The following LRRC69 variants were observed in gnomAD, a reference collection of about 807,000 sequenced individuals.
The protein encoded by LRRC69 is leucine rich repeat containing 69, also known as leucine-rich repeat-containing protein 69.
In LRRC69, 42 loss-of-function variants were observed where a neutral mutation model predicts 37.8. That is an observed-to-expected ratio of 1.11 (90% confidence interval 0.87 to 1.44). The LOEUF is 1.44. LRRC69 is among the 40% of genes most tolerant of loss of function. The pLI is 0.00. For synonymous variants in LRRC69, 141 were observed against 143.1 expected, an observed-to-expected ratio of 0.99 and a Z score of 0.11; for missense variants, 357 against 401.9, an observed-to-expected ratio of 0.89 and a Z score of 0.96.
At chr8:91,189,428 T>G (rs919778745) in intron 5 of LRRC69, 94 bp from the exon 6 acceptor site, 1 of 869,530 alleles carries the variant, frequency 1.2e-6, no homozygotes, top group Non-Finnish European at 1.8e-6. Context: ...TAGTCCTAAA[T>G]AAAGTAATTT....
At chr8:91,168,190 G>A (rs1436103427) in intron 5 of LRRC69, among the ~76,000 whole-genome samples, 1 of 151,916 alleles carries the variant, frequency 6.6e-6, no homozygotes, top group Non-Finnish European at 1.5e-5. Flanking sequence ...TTTGGGCACT[G>A]CTGTGTCCTC....
At chr8:91,150,865 G>A (rs143135168) in intron 5 of LRRC69, among the ~76,000 whole-genome samples, 7,981 of 151,842 alleles carry the variant, frequency 0.053, 298 homozygotes, top group Middle Eastern at 0.16. Context: ...TTTCTAGTTT[G>A]TTTGCATAGA....
intron 1 of LRRC69, among the ~76,000 whole-genome samples, chr8:91,106,050 A>G (rs1019894479): frequency 6.6e-6 from 1 of 152,096 alleles, no homozygotes; most frequent in African/African-American, 2.4e-5. Context: ...TGTGACATTC[A>G]GCTGACCTGA....
chr8:91,158,475 AC>A, intron 5 of LRRC69: 2 of 1,196,012 alleles, frequency 1.7e-6, no homozygotes, highest in Admixed American at 3.4e-5. Flanking sequence ...ATGTTTGGAA[AC>A]CCACAAGGCC....
At chr8:91,143,605 A>G (rs1808567829) in intron 5 of LRRC69, among the ~76,000 whole-genome samples, 3 of 151,986 alleles carry the variant, frequency 2.0e-5, no homozygotes, top group Admixed American at 1.3e-4. Flanking sequence ...TAAAGCGGGA[A>G]AGCCTCATAC....
chr8:91,193,222 C>A (rs1342685891), intron 6 of LRRC69, among the ~76,000 whole-genome samples: 1 of 131,530 alleles, frequency 7.6e-6, no homozygotes, highest in African/African-American at 2.9e-5. Flanking sequence ...TGTTTTGGTA[C>A]CAGTACCATG....
intron 2 of LRRC69, among the ~76,000 whole-genome samples, chr8:91,126,555 C>G (rs748650185): frequency 6.6e-6 from 1 of 151,858 alleles, no homozygotes; most frequent in Non-Finnish European, 1.5e-5. Context: ...TGGTGGTGGC[C>G]CTGTCTGACA....
At chr8:91,184,925 T>A (rs1809380744) in intron 5 of LRRC69, among the ~76,000 whole-genome samples, 1 of 152,134 alleles carries the variant, frequency 6.6e-6, no homozygotes, top group Non-Finnish European at 1.5e-5. Flanking sequence ...AACCAAGTCC[T>A]GAAGGCAGGG....
At chr8:91,163,726 A>G (rs1234241304) in intron 5 of LRRC69, among the ~76,000 whole-genome samples, 1 of 151,422 alleles carries the variant, frequency 6.6e-6, no homozygotes, top group Non-Finnish European at 1.5e-5. Context: ...AAATTTTATC[A>G]GGTAGTTAAA....
At chr8:91,188,059 A>T (rs996614402) in intron 5 of LRRC69, among the ~76,000 whole-genome samples, 1 of 152,204 alleles carries the variant, frequency 6.6e-6, no homozygotes, top group Non-Finnish European at 1.5e-5. Context: ...CAGCACACTG[A>T]GTACTGACTT....
chr8:91,199,221 T>C (rs1434939187), intron 6 of LRRC69, among the ~76,000 whole-genome samples: 1 of 152,216 alleles, frequency 6.6e-6, no homozygotes, highest in Admixed American at 6.5e-5. Context: ...CAAGCTATGA[T>C]CTGCTTAAGT....
intron 7 of LRRC69, among the ~76,000 whole-genome samples, chr8:91,204,378 A>G (rs1809763725): frequency 6.6e-6 from 1 of 152,234 alleles, no homozygotes; most frequent in Non-Finnish European, 1.5e-5. Flanking sequence ...GCTAATAGTG[A>G]AAAAAGAAAA....
chr8:91,123,887 T>C (rs912566528), intron 1 of LRRC69, among the ~76,000 whole-genome samples: 1 of 152,034 alleles, frequency 6.6e-6, no homozygotes, highest in Non-Finnish European at 1.5e-5. Context: ...ATCTGTTCTC[T>C]GTAGGACAGA....
At chr8:91,160,498 C>T (rs985993633) in intron 5 of LRRC69, among the ~76,000 whole-genome samples, 36 of 150,964 alleles carry the variant, frequency 2.4e-4, no homozygotes, top group African/African-American at 8.7e-4. Context: ...GGGGAGGGAC[C>T]TGGTGGGAGG....
intron 5 of LRRC69, among the ~76,000 whole-genome samples, chr8:91,147,085 C>A (rs181530892): frequency 6.6e-6 from 1 of 151,474 alleles, no homozygotes; most frequent in African/African-American, 2.4e-5. Flanking sequence ...TAAAATATAT[C>A]TTTATCAAGT....
At chr8:91,113,930 A>C (rs1198956205) in intron 1 of LRRC69, among the ~76,000 whole-genome samples, 1 of 134,128 alleles carries the variant, frequency 7.5e-6, no homozygotes, top group Non-Finnish European at 1.6e-5. Context: ...ATTTGAGACC[A>C]GGAGTTCAAG....
intron 1 of LRRC69, among the ~76,000 whole-genome samples, chr8:91,118,901 A>G (rs968910754): frequency 3.3e-5 from 5 of 152,096 alleles, no homozygotes; most frequent in South Asian, 2.1e-4. Flanking sequence ...AAGCATTCCA[A>G]ATATCTTACA....
chr8:91,108,599 C>T (rs1349613467), intron 1 of LRRC69, among the ~76,000 whole-genome samples: 1 of 152,014 alleles, frequency 6.6e-6, no homozygotes, highest in Admixed American at 6.6e-5. Flanking sequence ...TGAAAACGTG[C>T]AACTGAGTTA....
rs577326060 is a variant in LRRC69, at chr8:91,127,182, C to T, written c.383+22C>T. ...GCAGGTAATTTTGTTTATAGCAAGA[C>T]TTGGTTAACAATCGTGCCCCTCCTC... On this transcript the variant is annotated intron_variant, in intron 3 of 7. Coordinates refer to ENST00000448384, the Ensembl canonical transcript of LRRC69. The T allele has an allele frequency of 1.2e-4, 178 of 1,532,888 alleles. No individual in the cohort carries two copies. The African/African-American group carries it at 2.1e-3, about 18-fold the overall frequency. The allele number at this position is 1,532,888 out of a possible 1,614,324, so 95.0% of individuals were successfully genotyped here.
Sources: allele counts gnomAD v4.1 joint callset (sites outside exome capture counted in the v4.1 genomes callset), GRCh38; gene constraint gnomAD v4.1.1; transcripts MANE v1.5; gene names NCBI Gene and HGNC (gene_info 2026-07-23, HGNC 2026-07-21).